PLSCR1: variants seen among roughly 807,000 people sequenced by gnomAD.
PLSCR1 encodes PL scramblase 1.
PLSCR1 carries 17 observed loss-of-function variants against 37.8 expected under a neutral mutation model. The observed-to-expected ratio is 0.45, with a 90% CI of 0.31 to 0.68. The LOEUF is 0.68. Among genes scored for constraint, PLSCR1 ranks in the 30% least tolerant of loss-of-function variants. The pLI is 0.06. For synonymous variants in PLSCR1, 116 were observed against 125.9 expected, an observed-to-expected ratio of 0.92 and a Z score of 0.53; for missense variants, 347 against 380.9, an observed-to-expected ratio of 0.91 and a Z score of 0.74.
intron 1 of PLSCR1, among the ~76,000 whole-genome samples, chr3:146,541,899 T>C (rs565163406): frequency 6.6e-6 from 1 of 152,298 alleles, no homozygotes; most frequent in South Asian, 2.1e-4. Flanking sequence ...CAAGTTCCAC[T>C]CTCTCTTGCT....
intron 7 of PLSCR1, among the ~76,000 whole-genome samples, chr3:146,520,431 T>A: frequency 6.6e-6 from 1 of 152,288 alleles, no homozygotes; most frequent in South Asian, 2.1e-4. Flanking sequence ...ATCCCTTACA[T>A]GAAGAACTGC....
In PLSCR1 at chr3:146,517,074, C is replaced by T; in HGVS notation, c.832G>A (p.Gly278Arg). 1 of 1,603,584 alleles carries T rather than the reference C, an allele frequency of 6.2e-7. No individual in the cohort carries two copies. The highest frequency in any genetic ancestry group is 8.5e-7 in the Non-Finnish European group (1 of 1,174,108). Residue 278 changes from glycine (G) to arginine (R), a missense_variant, in exon 8 of 9, where the codon GGA (glycine) becomes AGA (arginine). Transcript: ENST00000342435. ...REAFTDADNF[G>R]IQFPLDLDVK... ...TCAAGGTCTAAAGGGAACTGGATTC[C>T]AAAGTTATCAGCGTCTGTAAATGCC...
intron 2 of PLSCR1, among the ~76,000 whole-genome samples, chr3:146,536,271 T>A (rs553774767): frequency 1.3e-5 from 2 of 152,226 alleles, no homozygotes; most frequent in Non-Finnish European, 1.5e-5. Context: ...TTTAAATATA[T>A]GTTACAGAAC....
Position 146,516,043 on chromosome 3 carries a change from C to T in PLSCR1, c.*2G>A. ...TTTCCTGAGGAGACTTTCACTAATC[C>T]ACTACCACACTCCTGATTTTTGTTC... On this transcript the variant is annotated 3_prime_UTR_variant, in exon 9 of 9. Coordinates refer to ENST00000342435, the MANE Select transcript of PLSCR1 (RefSeq NM_021105.3). The T allele has an allele frequency of 6.3e-7, 1 of 1,596,318 alleles. No individual in the cohort carries two copies. The highest frequency in any genetic ancestry group is 1.7e-4 in the Middle Eastern group (1 of 6,018).
In PLSCR1 at chr3:146,538,716, AT is replaced by A. The variant is rs988179704; in HGVS notation, c.-13-2152del. On this transcript the variant is annotated intron_variant, in intron 1 of 8. Coordinates refer to ENST00000342435, the MANE Select transcript of PLSCR1 (RefSeq NM_021105.3). Reference sequence around the variant, plus strand: ...AAACTTAGGCAAGTTTTTATTTTTTATTTTTTTTTATTTTTTGGCAAACAGA... The same window carrying A: ...AAACTTAGGCAAGTTTTTATTTTTTATTTTTTTTATTTTTTGGCAAACAGA... Among the ~76,000 whole-genome samples, 5 of 151,540 alleles carry A rather than the reference AT, an allele frequency of 3.3e-5. No individual in the cohort carries two copies. In the East Asian group the frequency reaches 7.7e-4, roughly 23 times the overall value.
intron 7 of PLSCR1, among the ~76,000 whole-genome samples, chr3:146,519,312 T>A (rs370512803): frequency 4.6e-5 from 7 of 152,000 alleles, no homozygotes; most frequent in African/African-American, 1.7e-4. Context: ...GGAAAAAAAA[T>A]CTGTGGGCTA....
At chr3:146,519,496 G>C (rs1331269995) in intron 7 of PLSCR1, among the ~76,000 whole-genome samples, 1 of 152,026 alleles carries the variant, frequency 6.6e-6, no homozygotes, top group Non-Finnish European at 1.5e-5. Context: ...GAAGGAGACA[G>C]ACTCTCTTAT....
In PLSCR1 at chr3:146,521,984, G is replaced by A. The variant is rs2044029790; in HGVS notation, c.425C>T (p.Ala142Val). 4.3e-6 allele frequency: 7 copies of A among 1,612,738 alleles called. No individual in the cohort carries two copies. Among genetic ancestry groups the A allele is most frequent in the Non-Finnish European group, 5.1e-6 (6 of 1,178,882 alleles). Residue 142 changes from alanine to valine, a missense_variant, in exon 6 of 9, where the codon GCA (alanine) becomes GTA (valine). By Grantham distance (64) the Ala-to-Val change is moderately conservative (BLOSUM62 0). Coordinates refer to ENST00000342435, the MANE Select transcript of PLSCR1 (RefSeq NM_021105.3). ...KNSFGQRVYF[A>V]AEDTDCCTRN... is the part of the protein sequence containing the mutation. ...GGTACAGCAATCAGTATCTTCCGCTGCAAAGTAAACCCTCTGTCCAAAGCT... is the reference window on the plus strand; with the variant it reads ...GGTACAGCAATCAGTATCTTCCGCTACAAAGTAAACCCTCTGTCCAAAGCT...
At position 146,527,181 on chromosome 3, in the gene PLSCR1, A is replaced by G. The variant is rs139046230; in HGVS notation, c.312+1433T>C. ...GAATAGTGGTTACTAGAAACTGTGA[A>G]GGGTAGGGAGGAGAGGTATAAAGAG... On this transcript the variant is annotated intron_variant, in intron 4 of 8. Coordinates refer to ENST00000342435, the MANE Select transcript of PLSCR1 (RefSeq NM_021105.3). Among the ~76,000 whole-genome samples the G allele has an allele frequency of 4.1e-3, 617 of 152,272 alleles. 3 individuals are homozygous for G. Among genetic ancestry groups the G allele is most frequent in the African/African-American group, 0.014 (593 of 41,554 alleles).
chr3:146,541,980 T>C (rs1246026309), intron 1 of PLSCR1, among the ~76,000 whole-genome samples: 1 of 152,168 alleles, frequency 6.6e-6, no homozygotes, highest in Admixed American at 6.5e-5. Context: ...GGTGCCTCCA[T>C]ACAGTCATGC....
chr3:146,526,916 C>T (rs774397770), intron 4 of PLSCR1, among the ~76,000 whole-genome samples: 7 of 152,016 alleles, frequency 4.6e-5, no homozygotes, highest in African/African-American at 9.7e-5. Context: ...CCAAGGCAGG[C>T]GGATCACAAG....
intron 1 of PLSCR1, among the ~76,000 whole-genome samples, chr3:146,537,376 T>C (rs2044279286): frequency 1.3e-5 from 2 of 152,130 alleles, no homozygotes; most frequent in South Asian, 4.1e-4. Flanking sequence ...TAGGCAAAAC[T>C]CTGCTACCCA....
chr3:146,531,738 C>G (rs1010932127), intron 3 of PLSCR1, among the ~76,000 whole-genome samples: 1 of 152,198 alleles, frequency 6.6e-6, no homozygotes, highest in African/African-American at 2.4e-5. Flanking sequence ...AAGCAACCTA[C>G]ATTGAAAATA....
intron 1 of PLSCR1, chr3:146,536,865 C>T (rs1222097155): frequency 7.7e-6 from 2 of 258,426 alleles, no homozygotes; most frequent in Non-Finnish European, 1.5e-5. Flanking sequence ...TGAGCTAAGA[C>T]TCCAAGTAGT....
In PLSCR1 at chr3:146,521,903, C is replaced by T; in HGVS notation, c.506G>A (p.Gly169Asp). Residue 169 changes from glycine (G) to aspartate (D), a missense_variant, in exon 6 of 9, where the codon GGT becomes GAT. Gly to Asp is a moderately conservative substitution (Grantham distance 94). Transcript: ENST00000342435. ...PFTLRIIDNM[G>D]QEVITLERPL... ...TCTCTCCAGAGTTATGACTTCTTGA[C>T]CCATATTATCAATAATCCTCAAGGT... is the stretch of plus-strand genomic sequence containing the variant. 1 of 1,613,776 alleles carries T rather than the reference C, an allele frequency of 6.2e-7. No homozygotes were observed. The highest frequency in any genetic ancestry group is 8.5e-7 in the Non-Finnish European group (1 of 1,179,742).
At chr3:146,524,491 AGATTTG>A (rs1191926007) in intron 5 of PLSCR1, among the ~76,000 whole-genome samples, 1 of 151,990 alleles carries the variant, frequency 6.6e-6, no homozygotes, top group Non-Finnish European at 1.5e-5. Context: ...AAAAACTGTT[AGATTTG>A]GAACTTTCTA....
chr3:146,531,216 C>T lies in PLSCR1; in HGVS notation c.94+2254G>A, dbSNP rs113561425. ...TCACAGAAAGAACATTTCAGAGCAACGTCCTGGGACAGTAACTAACATAGG... is the reference window on the plus strand; with the variant it reads ...TCACAGAAAGAACATTTCAGAGCAATGTCCTGGGACAGTAACTAACATAGG... On this transcript the variant is annotated intron_variant, in intron 3 of 8. Coordinates refer to ENST00000342435, the MANE Select transcript of PLSCR1 (RefSeq NM_021105.3). 1.6e-3 allele frequency among the ~76,000 whole-genome samples: 238 copies of T among 152,270 alleles called. 2 individuals carry two copies. The highest frequency in any genetic ancestry group is 5.6e-3 in the African/African-American group (233 of 41,560).
chr3:146,535,039 T>G (rs1419057938), intron 2 of PLSCR1, among the ~76,000 whole-genome samples: 1 of 152,124 alleles, frequency 6.6e-6, no homozygotes. Flanking sequence ...TTTCTCAGCA[T>G]CAAGTGACTG....
chr3:146,525,410 G>A, intron 5 of PLSCR1, 195 bp downstream of exon 5: 1 of 514,746 alleles, frequency 1.9e-6, no homozygotes, highest in East Asian at 3.7e-5. Flanking sequence ...CCGAGGGCAG[G>A]TGCCCAACAT....
Sources: gnomAD v4.1 joint callset for allele counts (sites outside exome capture counted in the v4.1 genomes callset) on GRCh38, gnomAD v4.1.1 for gene constraint, MANE v1.5 for transcripts, NCBI Gene and HGNC (gene_info 2026-07-23, HGNC 2026-07-21) for gene names.